SESN1: variants seen among roughly 807,000 people sequenced by gnomAD.
The protein encoded by SESN1 is sestrin 1.
SESN1 carries 30 observed loss-of-function variants against 59.3 expected under a neutral mutation model. That is an observed-to-expected ratio of 0.51 (90% confidence interval 0.38 to 0.69). The LOEUF (loss-of-function observed/expected upper bound fraction) is 0.69, where lower values mean the gene tolerates loss of function less well. Among genes scored for constraint, SESN1 ranks in the 30% least tolerant of loss-of-function variants. The probability of loss-of-function intolerance (pLI) is 0.00; values close to 1 mark genes in which losing one functional copy is unlikely to be tolerated. For synonymous variants in SESN1, 197 were observed against 219.9 expected (o/e 0.90, Z 0.92); for missense variants, 566 against 673.0 (o/e 0.84, Z 1.76).
At position 108,984,603 on chromosome 6, in the gene SESN1, CACAA is replaced by C. The variant is rs1487174874; in HGVS notation, c.*2937_*2940del. ...ATCAACATACAAATGTAGGGGAAGA[CACAA>C]ACATTCAGCCATCACATATCCCCTT... On this transcript the variant is annotated 3_prime_UTR_variant, in exon 10 of 10. Coordinates refer to ENST00000436639, the MANE Select transcript of SESN1 (RefSeq NM_014454.3). Among the ~76,000 whole-genome samples, 1 of 152,146 alleles carries C rather than the reference CACAA, an allele frequency of 6.6e-6. No homozygotes were observed. The highest frequency in any genetic ancestry group is 1.5e-5 in the Non-Finnish European group (1 of 68,022).
chr6:109,043,235 T>C (rs1483469365), intron 1 of SESN1, among the ~76,000 whole-genome samples: 1 of 152,134 alleles, frequency 6.6e-6, no homozygotes, highest in Admixed American at 6.5e-5. Context: ...GCTGTTTTTA[T>C]ACTTAACGGT....
intron 1 of SESN1, among the ~76,000 whole-genome samples, chr6:109,080,481 T>G (rs964267112): frequency 6.6e-6 from 1 of 152,150 alleles, no homozygotes; most frequent in African/African-American, 2.4e-5. Flanking sequence ...TAATGAAAAT[T>G]ATACACCACA....
chr6:109,032,256 G>A (rs1780192728), intron 1 of SESN1, among the ~76,000 whole-genome samples: 1 of 150,836 alleles, frequency 6.6e-6, no homozygotes. Flanking sequence ...TGGGCAACAA[G>A]AGCGAAACTC....
intron 1 of SESN1, among the ~76,000 whole-genome samples, chr6:109,019,203 A>G (rs1367921206): frequency 1.3e-5 from 2 of 152,150 alleles, no homozygotes; most frequent in African/African-American, 4.8e-5. Context: ...ACACACACAC[A>G]AACACACACA....
intron 1 of SESN1, among the ~76,000 whole-genome samples, chr6:109,067,908 C>T (rs1780862368): frequency 6.6e-6 from 1 of 152,152 alleles, no homozygotes; most frequent in South Asian, 2.1e-4. Flanking sequence ...GGTACTCTTA[C>T]TGTTTGGTTT....
At chr6:108,993,972 T>C (rs991991544) in intron 6 of SESN1, among the ~76,000 whole-genome samples, 1 of 151,658 alleles carries the variant, frequency 6.6e-6, no homozygotes, top group African/African-American at 2.4e-5. Flanking sequence ...ACCCCATCTC[T>C]ACAAAAAAAA....
intron 1 of SESN1, among the ~76,000 whole-genome samples, chr6:109,027,475 T>C (rs565480194): frequency 2.2e-5 from 1 of 46,492 alleles, no homozygotes; most frequent in Non-Finnish European, 3.7e-5. Flanking sequence ...AGACTCTGTC[T>C]CAAAAAAAAA....
intron 1 of SESN1, among the ~76,000 whole-genome samples, chr6:109,083,141 A>G (rs1412683523): frequency 1.3e-5 from 2 of 152,344 alleles, no homozygotes; most frequent in Non-Finnish European, 2.9e-5. Flanking sequence ...TTTTAGAACC[A>G]TACCACAAGG....
chr6:108,988,438 G>C, intron 9 of SESN1, 105 bp downstream of exon 9: 1 of 985,232 alleles, frequency 1.0e-6, no homozygotes, highest in Non-Finnish European at 1.4e-6. Context: ...TTTTTCTTTG[G>C]GTTGGTAGGG....
At chr6:109,069,945 A>C (rs776755224) in intron 1 of SESN1, among the ~76,000 whole-genome samples, 1 of 152,236 alleles carries the variant, frequency 6.6e-6, no homozygotes, top group Non-Finnish European at 1.5e-5. Context: ...ATGAAACCAC[A>C]TCTTATTATC....
At chr6:109,067,438 T>TA (rs1208009950) in intron 1 of SESN1, among the ~76,000 whole-genome samples, 1 of 152,164 alleles carries the variant, frequency 6.6e-6, no homozygotes, top group Admixed American at 6.5e-5. Flanking sequence ...GAAAATTCCC[T>TA]AAAACTGAAC....
At position 108,986,592 on chromosome 6, in the gene SESN1, A is replaced by C. The variant is rs1262886094; in HGVS notation, c.*952T>G. 1.3e-5 allele frequency: 2 copies of C among 152,654 alleles called. No homozygotes were observed. The highest frequency in any genetic ancestry group is 4.8e-5 in the African/African-American group (2 of 41,464). 9.5% of individuals were successfully genotyped at this position (152,654 alleles called of 1,614,324 possible). A position where few individuals can be genotyped will look rare whatever the true frequency, so the allele number is the denominator to read the frequency against. On this transcript the variant is annotated 3_prime_UTR_variant, in exon 10 of 10. Coordinates refer to ENST00000436639, the MANE Select transcript of SESN1 (RefSeq NM_014454.3). Reference sequence around the variant, plus strand: ...TTAGCGTTTTTGTAAATCAAATTTGATAACCCGACTAAAAATATTTTCCAG... The same window carrying C: ...TTAGCGTTTTTGTAAATCAAATTTGCTAACCCGACTAAAAATATTTTCCAG...
chr6:109,053,102 A>T (rs1394663075), intron 1 of SESN1, among the ~76,000 whole-genome samples: 2 of 151,886 alleles, frequency 1.3e-5, no homozygotes, highest in Admixed American at 6.6e-5. Flanking sequence ...TGGGGGTAGG[A>T]GGTAGGTTGG....
At chr6:109,050,435 T>C (rs1343197797) in intron 1 of SESN1, among the ~76,000 whole-genome samples, 1 of 151,392 alleles carries the variant, frequency 6.6e-6, no homozygotes, top group Non-Finnish European at 1.5e-5. Context: ...AATCATAGAC[T>C]TTCCATCTTG....
Position 108,991,021 on chromosome 6 carries a change from T to C in SESN1, c.1234-186A>G, listed in dbSNP as rs115890417. On this transcript the variant is annotated intron_variant, in intron 7 of 9. Coordinates refer to ENST00000436639, the MANE Select transcript of SESN1 (RefSeq NM_014454.3). The stretch of plus-strand genomic sequence containing the variant: ...TTCCCATACTGCAACATGCAAAAGG[T>C]TGTGTTTTATAACTCAGTGAGTTTA... 5.5e-3 allele frequency among the ~76,000 whole-genome samples: 831 copies of C among 151,930 alleles called. 14 individuals are homozygous for C. Among genetic ancestry groups the C allele is most frequent in the African/African-American group, 0.019 (805 of 41,472 alleles).
In SESN1 at chr6:109,094,093, C is replaced by A; in HGVS notation, c.-20G>T. 2 of 1,597,710 alleles carry A rather than the reference C, an allele frequency of 1.3e-6. No individual in the cohort carries two copies. The highest frequency in any genetic ancestry group is 1.3e-5 in the African/African-American group (1 of 74,512). ...AGCCATGACAATAGTTTTTCCTTTG[C>A]GGTCTTCAGTTACCTTTCAGCATGC... On this transcript the variant is annotated 5_prime_UTR_variant, in exon 1 of 10. Transcript: ENST00000436639.
chr6:108,992,192 A>G (rs1203646343), intron 7 of SESN1, among the ~76,000 whole-genome samples: 2 of 152,132 alleles, frequency 1.3e-5, no homozygotes, highest in African/African-American at 2.4e-5. Context: ...TCAACCTTCC[A>G]GGCTCAAGTG....
At position 108,988,496 on chromosome 6, in the gene SESN1, G is replaced by A. The variant is rs530017697; in HGVS notation, c.1569+47C>T. On this transcript the variant is annotated intron_variant, in intron 9 of 9. Transcript: ENST00000436639. ...CATTAGGTTAGGTGAAGGAGACTAC[G>A]AATCATTGCTAAGTTACAAAGTAAA... 3.1e-5 allele frequency: 47 copies of A among 1,530,398 alleles called. No individual in the cohort carries two copies. In the South Asian group the frequency reaches 4.0e-4, roughly 13 times the overall value. 94.8% of individuals were successfully genotyped at this position (1,530,398 alleles called of 1,614,324 possible).
At chr6:109,077,691 T>C (rs1361015765) in intron 1 of SESN1, among the ~76,000 whole-genome samples, 1 of 152,208 alleles carries the variant, frequency 6.6e-6, no homozygotes, top group African/African-American at 2.4e-5. Context: ...TTCTTCTCAA[T>C]GAGAATGCCT....
Sources: gnomAD v4.1 joint callset for allele counts (sites outside exome capture counted in the v4.1 genomes callset) on GRCh38, gnomAD v4.1.1 for gene constraint, MANE v1.5 for transcripts, NCBI Gene and HGNC (gene_info 2026-07-23, HGNC 2026-07-21) for gene names.